Variants in ITPRID1 observed in about 807,000 individuals in gnomAD.
ITPRID1 encodes the protein protein ITPRID1.
A neutral mutation model predicts 95.4 loss-of-function variants in ITPRID1; 96 were observed. The observed-to-expected ratio is 1.01, with a 90% CI of 0.85 to 1.19. The LOEUF (loss-of-function observed/expected upper bound fraction) is 1.19. Among genes scored for constraint, ITPRID1 ranks in the 50% most tolerant of loss-of-function variants. The probability of loss-of-function intolerance (pLI) is 0.00; values close to 1 mark genes in which losing one functional copy is unlikely to be tolerated. For missense variants in ITPRID1, 1,339 were observed against 1,252.9 expected, an observed-to-expected ratio of 1.07 and a Z score of -1.04; for synonymous variants, 510 against 453.6, an observed-to-expected ratio of 1.12 and a Z score of -1.58.
chr7:31,606,171 T>C (rs567618094), intron 10 of ITPRID1, among the ~76,000 whole-genome samples: 12 of 152,206 alleles, frequency 7.9e-5, no homozygotes, highest in Non-Finnish European at 1.6e-4. Flanking sequence ...GTGTAAATTC[T>C]TGCCTTCTGA....
Position 31,653,295 on chromosome 7 carries a change from C to A in ITPRID1, c.*466C>A, listed in dbSNP as rs1791118598. 2 of 159,392 alleles carry A rather than the reference C, an allele frequency of 1.3e-5. No individual in the cohort carries two copies. Among genetic ancestry groups the A allele is most frequent in the South Asian group, 3.6e-4 (2 of 5,542 alleles). The allele number at this position is 159,392 out of a possible 1,614,324, so 9.9% of individuals were successfully genotyped here. A position where few individuals can be genotyped will look rare whatever the true frequency, so the allele number is the denominator to read the frequency against. On this transcript the variant is annotated 3_prime_UTR_variant, in exon 15 of 15. Coordinates refer to ENST00000615280, the MANE Select transcript of ITPRID1 (RefSeq NM_001257967.3). ...GAAAGAGGTGTGGGTACATAGGAGG[C>A]AAACAGTTGCATTTTTTTGAGTCTG...
chr7:31,578,256 G>A lies in ITPRID1; in HGVS notation c.992G>A (p.Gly331Asp), dbSNP rs1242875414. The A allele has an allele frequency of 1.2e-6, 2 of 1,613,858 alleles. No homozygotes were observed. Among genetic ancestry groups the A allele is most frequent in the East Asian group, 4.5e-5 (2 of 44,870 alleles). Residue 331 changes from glycine to aspartate, a missense_variant, in exon 9 of 15, where the codon GGT becomes GAT. Gly to Asp is a moderately conservative substitution (Grantham distance 94). Transcript: ENST00000615280. ...GATTTGCTACCTTATCCTCCTCATG[G>A]TCTTCTGAGCAAGCAGTGGCCTTGC... ...CDDLLPYPPH[G>D]LLSKQWPCSS...
At chr7:31,626,404 A>G (rs950656832) in intron 10 of ITPRID1, among the ~76,000 whole-genome samples, 1 of 152,206 alleles carries the variant, frequency 6.6e-6, no homozygotes, top group African/African-American at 2.4e-5. Context: ...GTCACTGATA[A>G]CTTTTAAAAT....
intron 10 of ITPRID1, among the ~76,000 whole-genome samples, chr7:31,621,835 C>T (rs11768268): frequency 0.15 from 23,200 of 151,340 alleles, 2,180 homozygotes; most frequent in East Asian, 0.28. Flanking sequence ...AGTCAAGACC[C>T]ATCAGTGTGT....
chr7:31,597,785 T>TAA (rs1010575183), intron 10 of ITPRID1, among the ~76,000 whole-genome samples: 4 of 152,160 alleles, frequency 2.6e-5, no homozygotes, highest in African/African-American at 9.6e-5. Flanking sequence ...AAGCTTGTCC[T>TAA]AAAATTCATG....
intron 2 of ITPRID1, among the ~76,000 whole-genome samples, chr7:31,552,077 G>A (rs897462389): frequency 1.4e-5 from 2 of 143,120 alleles, no homozygotes; most frequent in Non-Finnish European, 3.1e-5. Context: ...TATAGTCTGC[G>A]GAGACCGAAC....
chr7:31,575,111 A>T (rs1159589620), intron 8 of ITPRID1, among the ~76,000 whole-genome samples: 1 of 152,190 alleles, frequency 6.6e-6, no homozygotes, highest in African/African-American at 2.4e-5. Context: ...AATAAGTCAC[A>T]TGGCCACACC....
chr7:31,624,303 C>A lies in ITPRID1; in HGVS notation c.1229-17873C>A, dbSNP rs38361. Among the ~76,000 whole-genome samples, 616 of 138,608 alleles carry A rather than the reference C, an allele frequency of 4.4e-3. 8 individuals are homozygous for A. The highest frequency in any genetic ancestry group is 0.015 in the African/African-American group (569 of 36,714). 90.9% of individuals were successfully genotyped at this position (138,608 alleles called of 152,430 possible). A position where few individuals can be genotyped will look rare whatever the true frequency, so the allele number is the denominator to read the frequency against. ...GTTCATATGGAACCAAAAAAGAGCC[C>A]GCATCACCAAGGCAATCCTAAGCCA... On this transcript the variant is annotated intron_variant, in intron 10 of 14. Coordinates refer to ENST00000615280, the MANE Select transcript of ITPRID1 (RefSeq NM_001257967.3).
chr7:31,599,662 TTCTCTCTCTCTC>T (rs70986634), intron 10 of ITPRID1, among the ~76,000 whole-genome samples: 5 of 31,354 alleles, frequency 1.6e-4, no homozygotes, highest in Non-Finnish European at 4.4e-4. Context: ...TTTCTTTCCT[TTCTCTCTCTCTC>T]TCTCTCTCTC....
intron 2 of ITPRID1, among the ~76,000 whole-genome samples, chr7:31,552,257 C>T (rs10260394): frequency 0.48 from 68,401 of 141,358 alleles, 22,168 homozygotes; most frequent in Middle Eastern, 0.62. Context: ...GGATATATAG[C>T]ATAGTCATGG....
intron 10 of ITPRID1, among the ~76,000 whole-genome samples, chr7:31,638,841 A>G (rs533614439): frequency 1.7e-4 from 26 of 152,206 alleles, no homozygotes; most frequent in East Asian, 9.7e-4. Flanking sequence ...GAGTGACCCA[A>G]TCTCAGCTTA....
intron 1 of ITPRID1, among the ~76,000 whole-genome samples, chr7:31,523,932 TGTTA>T (rs1345292287): frequency 6.6e-6 from 1 of 152,184 alleles, no homozygotes; most frequent in Non-Finnish European, 1.5e-5. Context: ...CTGACCTAAA[TGTTA>T]GTTGTAAAAG....
At chr7:31,538,728 G>A (rs543901551) in intron 1 of ITPRID1, among the ~76,000 whole-genome samples, 7 of 152,242 alleles carry the variant, frequency 4.6e-5, no homozygotes, top group African/African-American at 1.7e-4. Flanking sequence ...TGTCATATCA[G>A]GAGGAATATG....
rs527938807 is a variant in ITPRID1 at position 31,642,574 on chromosome 7, C to T, written c.1312-108C>T. 4.0e-6 allele frequency: 4 copies of T among 991,374 alleles called. No homozygotes were observed. The East Asian group carries it at 1.0e-4, about 26-fold the overall frequency. 61.4% of individuals were successfully genotyped at this position (991,374 alleles called of 1,614,324 possible). The stretch of plus-strand genomic sequence containing the variant: ...ACAGATGCAAAACCTGATGTTGCAA[C>T]CCTTATCTCCTGACTCCTAAGGCAA... On this transcript the variant is annotated intron_variant, in intron 11 of 14. Transcript: ENST00000615280.
At chr7:31,581,356 T>C (rs1485675403) in intron 9 of ITPRID1, among the ~76,000 whole-genome samples, 2 of 152,200 alleles carry the variant, frequency 1.3e-5, no homozygotes, top group Non-Finnish European at 2.9e-5. Flanking sequence ...TATTTTTGCT[T>C]AATTTTACTC....
intron 12 of ITPRID1, among the ~76,000 whole-genome samples, chr7:31,649,775 C>T (rs1790790715): frequency 6.6e-6 from 1 of 152,142 alleles, no homozygotes; most frequent in African/African-American, 2.4e-5. Context: ...CTGGTAAGAA[C>T]TCAGCAAGTC....
chr7:31,632,547 C>T (rs1345735163), intron 10 of ITPRID1, among the ~76,000 whole-genome samples: 2 of 152,198 alleles, frequency 1.3e-5, no homozygotes, highest in Non-Finnish European at 2.9e-5. Context: ...CTAAACCATT[C>T]ACTTAGGTTT....
rs1266333753 is a variant in ITPRID1, at chr7:31,585,813, T to C, written c.1228+2622T>C. Among the ~76,000 whole-genome samples, 4 of 152,166 alleles carry C rather than the reference T, an allele frequency of 2.6e-5. No homozygotes were observed. The East Asian group carries it at 5.8e-4, about 22-fold the overall frequency. On this transcript the variant is annotated intron_variant, in intron 10 of 14. Transcript: ENST00000615280. ...ATAAATGTCCACTAAAAAAGAATGA[T>C]TACAAAGAAGCATGACAAATCTTTT...
At chr7:31,606,656 T>A (rs2128162597) in intron 10 of ITPRID1, among the ~76,000 whole-genome samples, 1 of 152,352 alleles carries the variant, frequency 6.6e-6, no homozygotes, top group African/African-American at 2.4e-5. Context: ...TCCATTAGAC[T>A]ATTTCTTTCA....
Sources: allele counts gnomAD v4.1 joint callset (sites outside exome capture counted in the v4.1 genomes callset), GRCh38; gene constraint gnomAD v4.1.1; transcripts MANE v1.5; gene names NCBI Gene and HGNC (gene_info 2026-07-23, HGNC 2026-07-21).